RAPGEF2: variants seen among roughly 807,000 people sequenced by gnomAD.
The protein encoded by RAPGEF2 is Rap guanine nucleotide exchange factor 2.
RAPGEF2 carries 54 observed loss-of-function variants against 186.7 expected under a neutral mutation model. That is an observed-to-expected ratio of 0.29 (90% CI 0.23 to 0.36). The LOEUF (loss-of-function observed/expected upper bound fraction) is 0.36, where lower values mean the gene tolerates loss of function less well. Among genes scored for constraint, RAPGEF2 ranks in the 10% least tolerant of loss-of-function variants. RAPGEF2 has a pLI of 1.00. For missense variants in RAPGEF2, 1,532 were observed against 2,045.0 expected, an observed-to-expected ratio of 0.75 and a Z score of 4.84; for synonymous variants, 712 against 705.9, an observed-to-expected ratio of 1.01 and a Z score of -0.14.
At chr4:159,342,905 T>C in intron 20 of RAPGEF2, 74 bp from the exon 21 acceptor site, 1 of 1,261,196 alleles carries the variant, frequency 7.9e-7, no homozygotes, top group Non-Finnish European at 1.1e-6. Context: ...AACATAGAGA[T>C]GTTATATGTC....
At chr4:159,153,224 C>T (rs1475015111) in intron 1 of RAPGEF2, among the ~76,000 whole-genome samples, 1 of 152,100 alleles carries the variant, frequency 6.6e-6, no homozygotes, top group Non-Finnish European at 1.5e-5. Context: ...CAAGAGATTG[C>T]CTGATTTAGT....
chr4:159,347,480 T>G (rs1054102851), intron 25 of RAPGEF2, among the ~76,000 whole-genome samples: 8 of 152,222 alleles, frequency 5.3e-5, no homozygotes, highest in African/African-American at 1.9e-4. Context: ...ACACTTCATC[T>G]TTCCTACTAA....
rs1751891231 is a variant in RAPGEF2, at chr4:159,225,091, A to G, written c.282-13718A>G. ...ATAGGTGGGAGCTACAGGGGATATA[A>G]AGAGATAACCTGGGTCACCTGAGAA... On this transcript the variant is annotated intron_variant, in intron 4 of 29. Coordinates refer to ENST00000691494, the MANE Select transcript of RAPGEF2 (RefSeq NM_001394067.2). Among the ~76,000 whole-genome samples the G allele has an allele frequency of 2.0e-5, 3 of 152,170 alleles. 1 individual carries two copies. The South Asian group carries it at 6.2e-4, about 31-fold the overall frequency.
chr4:159,200,317 A>C (rs1749269188), intron 3 of RAPGEF2, among the ~76,000 whole-genome samples: 1 of 152,032 alleles, frequency 6.6e-6, no homozygotes, highest in South Asian at 2.1e-4. Context: ...AAATACAAAA[A>C]TTAGCCAGTG....
chr4:159,336,592 C>G (rs2111234181), intron 17 of RAPGEF2, among the ~76,000 whole-genome samples: 1 of 152,250 alleles, frequency 6.6e-6, no homozygotes, highest in Admixed American at 6.5e-5. Flanking sequence ...TAGGTTGCTT[C>G]CATGTTTTTG....
chr4:159,104,296 T>C, intron 1 of RAPGEF2, 65 bp downstream of exon 1: 1 of 620,090 alleles, frequency 1.6e-6, no homozygotes, highest in Non-Finnish European at 2.3e-6. Context: ...TCTTCCCCTG[T>C]CCCCCCACCT....
intron 11 of RAPGEF2, chr4:159,327,614 G>A (rs1483123013): frequency 2.7e-5 from 4 of 150,474 alleles, no homozygotes; most frequent in Non-Finnish European, 4.4e-5. Flanking sequence ...CCAAGATCAC[G>A]CCACTGCCCT....
intron 1 of RAPGEF2, among the ~76,000 whole-genome samples, chr4:159,171,660 T>C (rs1745916850): frequency 6.7e-6 from 1 of 150,284 alleles, no homozygotes; most frequent in South Asian, 2.1e-4. Flanking sequence ...GAGATATCTT[T>C]CATGTAAAAG....
intron 3 of RAPGEF2, among the ~76,000 whole-genome samples, chr4:159,203,786 A>AC (rs766594796): frequency 1.3e-5 from 2 of 152,186 alleles, no homozygotes; most frequent in Non-Finnish European, 2.9e-5. Flanking sequence ...GATGAAGAGA[A>AC]CTAGTATTTT....
At chr4:159,204,383 G>A (rs577909208) in intron 3 of RAPGEF2, among the ~76,000 whole-genome samples, 2 of 152,296 alleles carry the variant, frequency 1.3e-5, no homozygotes, top group Admixed American at 1.3e-4. Context: ...ATGAACAGAA[G>A]GAAAGCAGCC....
chr4:159,139,586 A>T (rs1036297030), intron 1 of RAPGEF2, among the ~76,000 whole-genome samples: 1 of 152,080 alleles, frequency 6.6e-6, no homozygotes, highest in African/African-American at 2.4e-5. Flanking sequence ...AAAAAAAAAA[A>T]TGTAGCACTT....
intron 4 of RAPGEF2, among the ~76,000 whole-genome samples, chr4:159,224,420 A>G (rs967044594): frequency 5.9e-5 from 9 of 152,232 alleles, no homozygotes; most frequent in Non-Finnish European, 1.2e-4. Context: ...AGTATATAGA[A>G]AAGACTTTAG....
intron 1 of RAPGEF2, among the ~76,000 whole-genome samples, chr4:159,175,065 C>G (rs190896857): frequency 5.3e-5 from 8 of 152,240 alleles, no homozygotes; most frequent in Non-Finnish European, 7.3e-5. Context: ...TTAAGCCATA[C>G]ATGTGTCTTA....
At chr4:159,250,203 C>T (rs2111506346) in intron 7 of RAPGEF2, among the ~76,000 whole-genome samples, 1 of 152,222 alleles carries the variant, frequency 6.6e-6, no homozygotes, top group East Asian at 1.9e-4. Context: ...CAGAAGACAA[C>T]ATATATGGTG....
chr4:159,195,051 A>G (rs1748493387), intron 3 of RAPGEF2, among the ~76,000 whole-genome samples: 1 of 152,204 alleles, frequency 6.6e-6, no homozygotes, highest in Admixed American at 6.5e-5. Context: ...GATGATTCTG[A>G]GGTTGCAACA....
chr4:159,320,685 C>T (rs951831734), intron 9 of RAPGEF2, among the ~76,000 whole-genome samples: 1 of 152,044 alleles, frequency 6.6e-6, no homozygotes. Context: ...CAGAGAAAAC[C>T]ACTCCGTCTG....
chr4:159,218,614 C>T (rs1009165302), intron 4 of RAPGEF2, among the ~76,000 whole-genome samples: 13 of 151,966 alleles, frequency 8.6e-5, no homozygotes, highest in East Asian at 1.9e-4. Context: ...AAAAATTAGT[C>T]GGGCTTGGTG....
chr4:159,165,344 G>T (rs976041632), intron 1 of RAPGEF2, among the ~76,000 whole-genome samples: 2 of 151,964 alleles, frequency 1.3e-5, no homozygotes, highest in Non-Finnish European at 2.9e-5. Context: ...TTCCTACCTG[G>T]TTCATTTTCA....
At chr4:159,317,827 C>A (rs1220554989) in intron 9 of RAPGEF2, among the ~76,000 whole-genome samples, 1 of 151,710 alleles carries the variant, frequency 6.6e-6, no homozygotes, top group Admixed American at 6.6e-5. Context: ...ATTGGTGAAA[C>A]GTTGCCTATG....
Sources: allele counts gnomAD v4.1 joint callset (sites outside exome capture counted in the v4.1 genomes callset), GRCh38; gene constraint gnomAD v4.1.1; transcripts MANE v1.5; gene names NCBI Gene and HGNC (gene_info 2026-07-23, HGNC 2026-07-21).